ATP7A: variants seen among roughly 807,000 people sequenced by gnomAD.
The protein encoded by ATP7A is ATPase copper transporting alpha.
Under a neutral mutation model 83.5 loss-of-function variants are expected in ATP7A, and 7 were observed. The ratio of observed to expected loss-of-function variants is 0.08; its 90% CI spans 0.05 to 0.16. The LOEUF is 0.16. Among genes scored for constraint, ATP7A ranks in the 10% least tolerant of loss-of-function variants. The pLI is 1.00. For synonymous variants in ATP7A, 354 were observed against 395.2 expected (o/e 0.90, Z 1.24); for missense variants, 940 against 1,120.8 (o/e 0.84, Z 2.30).
chrX:77,973,888 T>C (rs1014296001), intron 2 of ATP7A, among the ~76,000 whole-genome samples: 2 of 111,975 alleles, frequency 1.8e-5, no homozygotes, highest in Admixed American at 9.5e-5. Flanking sequence ...ATTTCTTTTA[T>C]CAGGAATCAA....
intron 12 of ATP7A, 133 bp downstream of exon 12, chrX:78,016,014 C>A: frequency 1.4e-6 from 1 of 740,384 alleles, no homozygotes; most frequent in Non-Finnish European, 2.0e-6. Context: ...TGTATTAAAT[C>A]AATTTCCTCA....
At chrX:77,914,532 G>A (rs1402915091) in intron 1 of ATP7A, among the ~76,000 whole-genome samples, 3 of 110,979 alleles carry the variant, frequency 2.7e-5, no homozygotes, top group African/African-American at 6.6e-5. Context: ...CCCAAGTAGC[G>A]GGGATTACAG....
intron 2 of ATP7A, among the ~76,000 whole-genome samples, chrX:77,986,261 C>T (rs1454795457): frequency 2.7e-5 from 3 of 111,736 alleles, no homozygotes; most frequent in Non-Finnish European, 5.6e-5. Flanking sequence ...CCCAAATACA[C>T]AGTCATCAAT....
At chrX:78,042,875 T>A (rs781959882) in intron 20 of ATP7A, 87 bp downstream of exon 20, 9 of 1,022,658 alleles carry the variant, frequency 8.8e-6, no homozygotes, top group Non-Finnish European at 1.2e-5. Context: ...AGCATAACAA[T>A]TCTGTCTTAA....
At chrX:77,937,560 A>G (rs1259573922) in intron 1 of ATP7A, among the ~76,000 whole-genome samples, 2 of 111,947 alleles carry the variant, frequency 1.8e-5, no homozygotes, top group Admixed American at 9.5e-5. Context: ...GAAACAACCC[A>G]GTTCTTTCAA....
intron 6 of ATP7A, among the ~76,000 whole-genome samples, chrX:78,006,750 A>T (rs988245680): frequency 2.7e-5 from 3 of 112,101 alleles, no homozygotes; most frequent in Non-Finnish European, 5.6e-5. Flanking sequence ...GAATAATATA[A>T]TATGTGGTCC....
chrX:78,036,797 C>T (rs1415712144), intron 17 of ATP7A, among the ~76,000 whole-genome samples: 1 of 111,309 alleles, frequency 9.0e-6, no homozygotes, highest in Non-Finnish European at 1.9e-5. Flanking sequence ...AGGAGAGAAT[C>T]TTGCGGGGAT....
chrX:77,939,100 A>G (rs2077336487), intron 1 of ATP7A, among the ~76,000 whole-genome samples: 1 of 111,502 alleles, frequency 9.0e-6, no homozygotes, highest in African/African-American at 3.3e-5. Flanking sequence ...GTTCGAGATC[A>G]GCCTGGCCAA....
rs1557238033 is a variant in ATP7A at position 78,039,001 on chromosome X, A to G, written c.3658+19A>G. The G allele has an allele frequency of 2.5e-6, 3 of 1,202,351 alleles. No homozygotes were observed. In the South Asian group the frequency reaches 5.3e-5, roughly 21 times the overall value. ...GTTGATGGTAAGGTTTTCCATAAGT[A>G]TGCTATAACTCAATGTTTTGTTATT... On this transcript the variant is annotated intron_variant, in intron 18 of 22. Coordinates refer to ENST00000341514, the MANE Select transcript of ATP7A (RefSeq NM_000052.7).
intron 1 of ATP7A, among the ~76,000 whole-genome samples, chrX:77,931,428 C>T (rs1326720352): frequency 2.7e-5 from 3 of 112,113 alleles, no homozygotes; most frequent in Non-Finnish European, 5.7e-5. Flanking sequence ...TACACAGACA[C>T]GGCAACCATC....
chrX:78,010,792 A>G (rs781902539), intron 7 of ATP7A, among the ~76,000 whole-genome samples: 46 of 108,454 alleles, frequency 4.2e-4, no homozygotes, highest in African/African-American at 1.2e-3. Context: ...TGTTGGCCAT[A>G]CTGCTCTCGA....
chrX:77,993,607 C>T (rs966234369), intron 4 of ATP7A, among the ~76,000 whole-genome samples: 4 of 111,406 alleles, frequency 3.6e-5, no homozygotes, highest in Non-Finnish European at 1.9e-5. Flanking sequence ...ACCACATAGA[C>T]GATGGTGGTC....
intron 6 of ATP7A, among the ~76,000 whole-genome samples, chrX:78,008,337 T>G (rs1557233969): frequency 2.7e-5 from 3 of 112,056 alleles, no homozygotes; most frequent in African/African-American, 9.7e-5. Flanking sequence ...GGAAAGGATT[T>G]GCTGAGCTCC....
At position 78,031,318 on chromosome X, in the gene ATP7A, T is replaced by C. The variant is rs782534664; in HGVS notation, c.3112-82T>C. ...TACTAAGAAACTAAATAGTCATCTC[T>C]TTGTCAAAACAGACCTTTTTCTTAT... is the stretch of plus-strand genomic sequence containing the variant. On this transcript the variant is annotated intron_variant, in intron 15 of 22. Coordinates refer to ENST00000341514, the MANE Select transcript of ATP7A (RefSeq NM_000052.7). 8.7e-5 allele frequency: 85 copies of C among 981,376 alleles called. No individual in the cohort carries two copies. The African/African-American group carries it at 1.6e-3, about 18-fold the overall frequency. The allele number at this position is 981,376 out of a possible 1,213,427, so 80.9% of individuals were successfully genotyped here.
chrX:77,948,385 C>T (rs1557226443), intron 1 of ATP7A, among the ~76,000 whole-genome samples: 1 of 111,651 alleles, frequency 9.0e-6, no homozygotes, highest in East Asian at 2.8e-4. Context: ...CTTGGCCTCC[C>T]AAAGTGCTGG....
At chrX:78,042,544 CATT>C (rs782153393) in intron 19 of ATP7A, 38 bp from the exon 20 acceptor site, 54 of 1,161,197 alleles carry the variant, frequency 4.7e-5, no homozygotes, top group Non-Finnish European at 6.0e-5. Flanking sequence ...TTCACGTACT[CATT>C]ATTTTTTAAA....
At chrX:78,019,051 A>G (rs991027102) in intron 12 of ATP7A, among the ~76,000 whole-genome samples, 2 of 112,019 alleles carry the variant, frequency 1.8e-5, no homozygotes, top group Non-Finnish European at 1.9e-5. Flanking sequence ...TTACAATTAG[A>G]GATGAAACTT....
chrX:77,954,135 T>A (rs1557227072), intron 1 of ATP7A, among the ~76,000 whole-genome samples: 2 of 111,406 alleles, frequency 1.8e-5, no homozygotes, highest in African/African-American at 6.5e-5. Flanking sequence ...AAAAAAACTG[T>A]TATTTATTTT....
At chrX:77,917,115 A>G (rs977758100) in intron 1 of ATP7A, among the ~76,000 whole-genome samples, 1 of 111,641 alleles carries the variant, frequency 9.0e-6, no homozygotes, top group Admixed American at 9.6e-5. Context: ...GAACTTAAAT[A>G]TGTGCAAGAA....
Sources: allele counts gnomAD v4.1 joint callset (sites outside exome capture counted in the v4.1 genomes callset), GRCh38; gene constraint gnomAD v4.1.1; transcripts MANE v1.5; gene names NCBI Gene and HGNC (gene_info 2026-07-23, HGNC 2026-07-21).